Variants in GALNTL6 observed in about 807,000 individuals in gnomAD.
GALNTL6 encodes the protein polypeptide N-acetylgalactosaminyltransferase like 6, also known as polypeptide N-acetylgalactosaminyltransferase-like 6.
GALNTL6 carries 46 observed loss-of-function variants against 73.7 expected under a neutral mutation model. That is an observed-to-expected ratio of 0.62 (90% confidence interval 0.49 to 0.80). The LOEUF (loss-of-function observed/expected upper bound fraction) is 0.80, where lower values mean the gene tolerates loss of function less well. Among genes scored for constraint, GALNTL6 ranks in the 30% least tolerant of loss-of-function variants. The pLI is 0.00. For synonymous variants in GALNTL6, 259 were observed against 263.7 expected (o/e 0.98, Z 0.17); for missense variants, 604 against 755.0 (o/e 0.80, Z 2.34).
chr4:172,125,312 C>T lies in GALNTL6; in HGVS notation c.139-104344C>T, dbSNP rs188378814. ...AAATAAATCTCAGGAAGAAATATGGCACAAATAGAAACTGTAAAACAGGAA... is the reference window on the plus strand; with the variant it reads ...AAATAAATCTCAGGAAGAAATATGGTACAAATAGAAACTGTAAAACAGGAA... On this transcript the variant is annotated intron_variant, in intron 2 of 12. Coordinates refer to ENST00000506823, the MANE Select transcript of GALNTL6 (RefSeq NM_001034845.3). 3.3e-5 allele frequency among the ~76,000 whole-genome samples: 5 copies of T among 152,168 alleles called. No individual in the cohort carries two copies. In the East Asian group the frequency reaches 9.7e-4, roughly 29 times the overall value.
At position 171,915,628 on chromosome 4, in the gene GALNTL6, T is replaced by C. The variant is rs146317880; in HGVS notation, c.138+100910T>C. 4.5e-4 allele frequency among the ~76,000 whole-genome samples: 68 copies of C among 152,360 alleles called. No homozygotes were observed. The East Asian group carries it at 8.3e-3, about 19-fold the overall frequency. ...AATGTATTATTTTAGTATTTCTGCATGTGTACCACAAGAATTTGTTAAAAC... is the reference window on the plus strand; with the variant it reads ...AATGTATTATTTTAGTATTTCTGCACGTGTACCACAAGAATTTGTTAAAAC... On this transcript the variant is annotated intron_variant, in intron 2 of 12. Coordinates refer to ENST00000506823, the MANE Select transcript of GALNTL6 (RefSeq NM_001034845.3).
intron 2 of GALNTL6, among the ~76,000 whole-genome samples, chr4:172,167,818 G>C (rs1233191537): frequency 3.4e-5 from 5 of 147,346 alleles, no homozygotes; most frequent in Non-Finnish European, 7.5e-5. Context: ...AATTAGCCGG[G>C]CGCGGTGGCG....
intron 7 of GALNTL6, among the ~76,000 whole-genome samples, chr4:172,826,067 G>T (rs753259467): frequency 6.6e-6 from 1 of 151,966 alleles, no homozygotes; most frequent in African/African-American, 2.4e-5. Context: ...CTCCATAAAT[G>T]AGCCTTGCAA....
intron 5 of GALNTL6, among the ~76,000 whole-genome samples, chr4:172,672,089 C>G (rs1451438801): frequency 6.6e-6 from 1 of 152,126 alleles, no homozygotes; most frequent in African/African-American, 2.4e-5. Flanking sequence ...TAGGGTTTCA[C>G]CATGTTGGCC....
intron 10 of GALNTL6, among the ~76,000 whole-genome samples, chr4:172,981,957 G>A (rs1751084234): frequency 6.6e-6 from 1 of 151,770 alleles, no homozygotes; most frequent in South Asian, 2.1e-4. Context: ...CCACCACCCT[G>A]GCTAATTTTG....
intron 2 of GALNTL6, among the ~76,000 whole-genome samples, chr4:171,935,924 C>T (rs771576005): frequency 3.9e-5 from 6 of 152,090 alleles, no homozygotes; most frequent in Non-Finnish European, 8.8e-5. Context: ...TGGTAGCCTT[C>T]ATGCCAAAAG....
chr4:172,536,370 A>G (rs954701301), intron 5 of GALNTL6, among the ~76,000 whole-genome samples: 1 of 152,218 alleles, frequency 6.6e-6, no homozygotes, highest in Non-Finnish European at 1.5e-5. Flanking sequence ...CTCAGAAGAC[A>G]GAAAGATGTG....
At chr4:172,496,848 T>G (rs564467645) in intron 5 of GALNTL6, among the ~76,000 whole-genome samples, 1 of 152,312 alleles carries the variant, frequency 6.6e-6, no homozygotes, top group East Asian at 1.9e-4. Flanking sequence ...ATAACTTATT[T>G]GCACCTCAGT....
chr4:172,970,369 G>A lies in GALNTL6; in HGVS notation c.1371+18111G>A, dbSNP rs188267114. Among the ~76,000 whole-genome samples, 75 of 151,980 alleles carry A rather than the reference G, an allele frequency of 4.9e-4. 1 individual carries two copies. In the East Asian group the frequency reaches 0.01, roughly 20 times the overall value. ...AAGCCTGAGGGTACTACAGGAGACC[G>A]GGGTGTATTTCAGTCCTTATCTCAC... On this transcript the variant is annotated intron_variant, in intron 10 of 12. Coordinates refer to ENST00000506823, the MANE Select transcript of GALNTL6 (RefSeq NM_001034845.3).
chr4:172,006,075 T>G (rs1264600781), intron 2 of GALNTL6, among the ~76,000 whole-genome samples: 1 of 152,218 alleles, frequency 6.6e-6, no homozygotes, highest in Non-Finnish European at 1.5e-5. Flanking sequence ...TAAGAAGCTT[T>G]CTGCAACACC....
chr4:172,814,714 C>T (rs1042853012), intron 7 of GALNTL6, among the ~76,000 whole-genome samples: 1 of 152,074 alleles, frequency 6.6e-6, no homozygotes, highest in Non-Finnish European at 1.5e-5. Flanking sequence ...ACTTCCTTGA[C>T]ACTAACAGTT....
intron 2 of GALNTL6, among the ~76,000 whole-genome samples, chr4:172,153,915 G>C (rs917986673): frequency 6.6e-6 from 1 of 152,226 alleles, no homozygotes; most frequent in African/African-American, 2.4e-5. Context: ...AGGAGGCGTT[G>C]CCAAAAGGCG....
chr4:172,001,490 G>A (rs1400301721), intron 2 of GALNTL6, among the ~76,000 whole-genome samples: 1 of 152,176 alleles, frequency 6.6e-6, no homozygotes, highest in Non-Finnish European at 1.5e-5. Flanking sequence ...TAGACTTGGA[G>A]AGGCAGTAAG....
chr4:171,890,676 C>T (rs720725), intron 2 of GALNTL6, among the ~76,000 whole-genome samples: 81,369 of 151,480 alleles, frequency 0.54, 23,204 homozygotes, highest in African/African-American at 0.75. Context: ...TAGTTACTTC[C>T]AGCTGGTACA....
chr4:172,376,853 A>T (rs1315433048), intron 5 of GALNTL6, among the ~76,000 whole-genome samples: 1 of 152,050 alleles, frequency 6.6e-6, no homozygotes, highest in African/African-American at 2.4e-5. Context: ...GTTCTTAAAG[A>T]TGGTGTGTCT....
At chr4:172,761,351 T>C (rs146430144) in intron 5 of GALNTL6, among the ~76,000 whole-genome samples, 19 of 152,318 alleles carry the variant, frequency 1.2e-4, no homozygotes, top group African/African-American at 4.3e-4. Context: ...GGGACCAATT[T>C]AAAGTAATCA....
At chr4:172,953,162 T>C (rs1422622970) in intron 10 of GALNTL6, among the ~76,000 whole-genome samples, 4 of 152,206 alleles carry the variant, frequency 2.6e-5, no homozygotes, top group Admixed American at 2.6e-4. Flanking sequence ...GGAAATAGAA[T>C]GGAAAAAGCT....
At chr4:172,984,721 G>A (rs796852885) in intron 10 of GALNTL6, among the ~76,000 whole-genome samples, 143 of 152,174 alleles carry the variant, frequency 9.4e-4, no homozygotes, top group African/African-American at 3.2e-3. Flanking sequence ...GTATCATGCA[G>A]TATCCTCTTA....
In GALNTL6 at chr4:172,208,119, G is replaced by T. The variant is rs139108689; in HGVS notation, c.139-21537G>T. On this transcript the variant is annotated intron_variant, in intron 2 of 12. Transcript: ENST00000506823. ...TGATGTCATTTGGAGGCCATGCAGTGAGCTTCAGAGCATTACAAAGTGAGA... is the reference window on the plus strand; with the variant it reads ...TGATGTCATTTGGAGGCCATGCAGTTAGCTTCAGAGCATTACAAAGTGAGA... Among the ~76,000 whole-genome samples the T allele has an allele frequency of 2.0e-4, 30 of 152,300 alleles. No homozygotes were observed. The East Asian group carries it at 5.8e-3, about 29-fold the overall frequency.
Sources: gnomAD v4.1 joint callset for allele counts (sites outside exome capture counted in the v4.1 genomes callset) on GRCh38, gnomAD v4.1.1 for gene constraint, MANE v1.5 for transcripts, NCBI Gene and HGNC (gene_info 2026-07-23, HGNC 2026-07-21) for gene names.